The following ROBO2 variants were observed in gnomAD, a reference collection of about 807,000 sequenced individuals.
ROBO2 encodes the protein roundabout guidance receptor 2.
Under a neutral mutation model 160.8 loss-of-function variants are expected in ROBO2, and 53 were observed. The ratio of observed to expected loss-of-function variants is 0.33; its 90% confidence interval spans 0.26 to 0.41. ROBO2 has a LOEUF of 0.41. ROBO2 is among the 10% of genes least tolerant of loss of function. ROBO2 has a pLI of 1.00. For missense variants in ROBO2, 1,577 were observed against 1,722.4 expected (o/e 0.92, Z 1.49); for synonymous variants, 664 against 611.7 (o/e 1.09, Z -1.26).
chr3:77,262,021 CT>C (rs893505637), intron 2 of ROBO2, among the ~76,000 whole-genome samples: 2 of 151,988 alleles, frequency 1.3e-5, no homozygotes, highest in Non-Finnish European at 2.9e-5. Context: ...CTCAAACTCT[CT>C]GAAAAATAGT....
chr3:76,076,494 AG>A (rs1387794591), intron 2 of ROBO2, among the ~76,000 whole-genome samples: 1 of 152,196 alleles, frequency 6.6e-6, no homozygotes, highest in Non-Finnish European at 1.5e-5. Context: ...ATTTTTATAG[AG>A]GGTGGAGGTG....
At chr3:77,184,221 G>T (rs2081070040) in intron 2 of ROBO2, among the ~76,000 whole-genome samples, 1 of 151,952 alleles carries the variant, frequency 6.6e-6, no homozygotes, top group Admixed American at 6.6e-5. Context: ...TCTTGCATCA[G>T]CTTTATTTTT....
intron 2 of ROBO2, among the ~76,000 whole-genome samples, chr3:77,375,505 C>T (rs1182009982): frequency 2.0e-5 from 3 of 152,146 alleles, no homozygotes; most frequent in Non-Finnish European, 2.9e-5. Flanking sequence ...TTACACATGA[C>T]GATTTCACTT....
intron 2 of ROBO2, among the ~76,000 whole-genome samples, chr3:76,968,699 T>C (rs1229209516): frequency 2.6e-5 from 4 of 152,198 alleles, no homozygotes. Flanking sequence ...TGTAGGCTAT[T>C]ATATGCATGT....
chr3:76,455,086 A>G (rs369084844), intron 2 of ROBO2, among the ~76,000 whole-genome samples: 9 of 152,298 alleles, frequency 5.9e-5, no homozygotes, highest in Middle Eastern at 6.8e-3. Context: ...TAAGAAAAAC[A>G]TAAAGTATAC....
At chr3:76,117,661 A>G (rs2070533027) in intron 2 of ROBO2, among the ~76,000 whole-genome samples, 1 of 152,182 alleles carries the variant, frequency 6.6e-6, no homozygotes, top group Admixed American at 6.5e-5. Context: ...AATAGTCATC[A>G]TTTAACAAAT....
intron 2 of ROBO2, among the ~76,000 whole-genome samples, chr3:76,538,911 C>G (rs1232475175): frequency 6.6e-6 from 1 of 152,022 alleles, no homozygotes; most frequent in African/African-American, 2.4e-5. Flanking sequence ...AGCATGCTGT[C>G]CTATTTACAA....
At chr3:76,176,568 A>G (rs2073239586) in intron 2 of ROBO2, among the ~76,000 whole-genome samples, 2 of 152,150 alleles carry the variant, frequency 1.3e-5, no homozygotes, top group Admixed American at 1.3e-4. Flanking sequence ...GTGGAAAAAA[A>G]ATCAGAAAAG....
chr3:77,425,576 A>T (rs2078115571), intron 2 of ROBO2, among the ~76,000 whole-genome samples: 1 of 151,922 alleles, frequency 6.6e-6, no homozygotes, highest in South Asian at 2.1e-4. Context: ...GGAAGGAGTG[A>T]GGGTGAAGAC....
chr3:77,040,681 A>G, exon 1 of ROBO2: 3 of 1,601,316 alleles, frequency 1.9e-6, no homozygotes, highest in South Asian at 1.1e-5. Context: ...AGTATCTAGG[A>G]AAGTCTAAAC....
rs1044920820 is a variant in ROBO2, at chr3:77,391,388, C to G, written c.389-86026C>G. ...GTGACACAATCACGGCTCACTGCAG[C>G]CTCAACCTCCCCACCTCAAGCTGTC... On this transcript the variant is annotated intron_variant, in intron 2 of 25. Transcript: ENST00000461745. Among the ~76,000 whole-genome samples the G allele has an allele frequency of 9.9e-5, 15 of 151,966 alleles. No homozygotes were observed. The South Asian group carries it at 2.3e-3, about 23-fold the overall frequency.
chr3:77,550,832 A>G (rs767863369), exon 8 of ROBO2: 8 of 1,612,942 alleles, frequency 5.0e-6, no homozygotes, highest in Non-Finnish European at 6.8e-6. Flanking sequence ...TACTTTTCCC[A>G]AACCAACCCC....
chr3:76,793,538 C>T (rs1050770395), intron 2 of ROBO2, among the ~76,000 whole-genome samples: 1 of 151,840 alleles, frequency 6.6e-6, no homozygotes, highest in African/African-American at 2.4e-5. Flanking sequence ...AAAAACATAG[C>T]AGGTACCAAA....
chr3:76,164,603 A>T lies in ROBO2; in HGVS notation c.109+227001A>T, dbSNP rs747707141. ...TTCTTGGATGACCAAGAGCATTATC[A>T]ATAAGCTGTAATATTGAAGGATGTC... On this transcript the variant is annotated intron_variant, in intron 2 of 26. Transcript: ENST00000487694. Among the ~76,000 whole-genome samples the T allele has an allele frequency of 8.5e-5, 13 of 152,204 alleles. 1 individual carries two copies. The highest frequency in any genetic ancestry group is 1.6e-4 in the Non-Finnish European group (11 of 68,036).
chr3:76,555,839 G>C lies in ROBO2; in HGVS notation c.110-542175G>C, dbSNP rs1469970624. ...CTCATGCCTATAATCCGAGCACTTT[G>C]GGAGGCTGAGGCAGGAGGAGCACCT... On this transcript the variant is annotated intron_variant, in intron 2 of 26. Coordinates refer to the ROBO2 transcript ENST00000487694. 2.0e-5 allele frequency among the ~76,000 whole-genome samples: 3 copies of C among 152,124 alleles called. No individual in the cohort carries two copies. In the South Asian group the frequency reaches 6.2e-4, roughly 32 times the overall value.
At chr3:76,155,593 T>C (rs1426958006) in intron 2 of ROBO2, among the ~76,000 whole-genome samples, 2 of 152,154 alleles carry the variant, frequency 1.3e-5, no homozygotes, top group East Asian at 3.9e-4. Context: ...GAGGAGGAGA[T>C]GTGATTCAGA....
At chr3:77,511,523 A>G (rs1243550759) in intron 5 of ROBO2, among the ~76,000 whole-genome samples, 1 of 151,956 alleles carries the variant, frequency 6.6e-6, no homozygotes, top group Non-Finnish European at 1.5e-5. Context: ...TGCGGTGAAC[A>G]TCTTTTTTGT....
At chr3:76,241,980 A>T (rs1219150507) in intron 2 of ROBO2, among the ~76,000 whole-genome samples, 1 of 152,190 alleles carries the variant, frequency 6.6e-6, no homozygotes, top group East Asian at 1.9e-4. Flanking sequence ...AGATACTATA[A>T]ATAAAGTATG....
chr3:76,331,898 G>A (rs1402453485), intron 2 of ROBO2, among the ~76,000 whole-genome samples: 1 of 151,860 alleles, frequency 6.6e-6, no homozygotes, highest in Non-Finnish European at 1.5e-5. Flanking sequence ...CGGTCAGGCT[G>A]TTCTCGAACT....
Sources: gnomAD v4.1 joint callset for allele counts (sites outside exome capture counted in the v4.1 genomes callset) on GRCh38, gnomAD v4.1.1 for gene constraint, MANE v1.5 for transcripts, NCBI Gene and HGNC (gene_info 2026-07-23, HGNC 2026-07-21) for gene names.